Variants in KIF13B observed in about 807,000 individuals in gnomAD.
The protein encoded by KIF13B is kinesin family member 13B, also known as kinesin-like protein KIF13B.
In KIF13B, 127 loss-of-function variants were observed where a neutral mutation model predicts 222.0. That is an observed-to-expected ratio of 0.57 (90% CI 0.50 to 0.66). The LOEUF is 0.66. Among genes scored for constraint, KIF13B ranks in the 30% least tolerant of loss-of-function variants. The probability of loss-of-function intolerance (pLI) is 0.00; values close to 1 mark genes in which losing one functional copy is unlikely to be tolerated. For missense variants in KIF13B, 2,173 were observed against 2,379.0 expected (o/e 0.91, Z 1.80); for synonymous variants, 976 against 919.0 (o/e 1.06, Z -1.12).
chr8:29,101,508 G>A (rs1645152820), intron 35 of KIF13B, among the ~76,000 whole-genome samples: 1 of 152,124 alleles, frequency 6.6e-6, no homozygotes, highest in Non-Finnish European at 1.5e-5. Context: ...GGCACACCCA[G>A]GCCCCGATGG....
intron 2 of KIF13B, among the ~76,000 whole-genome samples, chr8:29,232,003 C>G (rs940744438): frequency 6.6e-5 from 10 of 152,118 alleles, no homozygotes; most frequent in African/African-American, 2.4e-4. Context: ...TGCCTACAAT[C>G]TCAACACTTG....
chr8:29,145,972 G>A, intron 18 of KIF13B: 1 of 311,376 alleles, frequency 3.2e-6, no homozygotes, highest in Non-Finnish European at 5.9e-6. Flanking sequence ...GTTTTACAGA[G>A]CAAGCTATTC....
intron 11 of KIF13B, among the ~76,000 whole-genome samples, chr8:29,166,254 TA>T (rs1811995128): frequency 2.0e-5 from 3 of 152,082 alleles, no homozygotes; most frequent in Admixed American, 2.0e-4. Flanking sequence ...AAAAACAGGA[TA>T]AAATTCAACA....
chr8:29,189,638 G>T (rs577675224), intron 4 of KIF13B: 1 of 152,262 alleles, frequency 6.6e-6, no homozygotes, highest in Non-Finnish European at 1.5e-5. Flanking sequence ...GCTCTGACAG[G>T]TGAGGTGATT....
At chr8:29,097,011 G>A (rs185504693) in intron 36 of KIF13B, among the ~76,000 whole-genome samples, 1 of 152,130 alleles carries the variant, frequency 6.6e-6, no homozygotes, top group Non-Finnish European at 1.5e-5. Flanking sequence ...CCGATTGAAG[G>A]GCAGGAACTA....
At chr8:29,225,226 C>T (rs1046836702) in intron 2 of KIF13B, among the ~76,000 whole-genome samples, 1 of 152,164 alleles carries the variant, frequency 6.6e-6, no homozygotes, top group South Asian at 2.1e-4. Context: ...GGCACAGAAG[C>T]TTTTTCCGCA....
Position 29,109,519 on chromosome 8 carries a change from TCAGAAAACATA to T in KIF13B, c.4084-19_4084-9del. 1 of 1,611,578 alleles carries T rather than the reference TCAGAAAACATA, an allele frequency of 6.2e-7. No individual in the cohort carries two copies. The highest frequency in any genetic ancestry group is 1.3e-5 in the African/African-American group (1 of 75,004). On this transcript the variant is annotated splice_polypyrimidine_tract_variant and intron_variant, in intron 33 of 39. Transcript: ENST00000524189. Reference sequence around the variant, plus strand: ...TTCCTTCACTGCAACTTCCTGTGAATCAGAAAACATACAGAGGAAAAAGACATGTAAGAGAC... The same window carrying T: ...TTCCTTCACTGCAACTTCCTGTGAATCAGAGGAAAAAGACATGTAAGAGAC...
intron 2 of KIF13B, among the ~76,000 whole-genome samples, chr8:29,225,570 C>G (rs899273566): frequency 1.3e-5 from 2 of 152,186 alleles, no homozygotes; most frequent in South Asian, 2.1e-4. Context: ...GCCTGGAAAT[C>G]TAAACATTTG....
intron 1 of KIF13B, among the ~76,000 whole-genome samples, chr8:29,249,782 G>T (rs181516400): frequency 4.0e-4 from 61 of 152,242 alleles, no homozygotes; most frequent in African/African-American, 1.5e-3. Context: ...AGAGCAAAGA[G>T]AATCAAAAGG....
chr8:29,091,471 A>T (rs982337767), intron 37 of KIF13B, among the ~76,000 whole-genome samples: 3 of 152,254 alleles, frequency 2.0e-5, no homozygotes, highest in African/African-American at 7.2e-5. Context: ...TCACTGAATA[A>T]AAATAAGAAT....
intron 26 of KIF13B, among the ~76,000 whole-genome samples, chr8:29,125,467 T>C (rs1215880065): frequency 4.6e-5 from 7 of 152,124 alleles, no homozygotes; most frequent in African/African-American, 1.7e-4. Flanking sequence ...GACTCAAATA[T>C]CACATCCGAA....
intron 14 of KIF13B, among the ~76,000 whole-genome samples, 194 bp from the exon 15 acceptor site, chr8:29,150,577 G>T (rs940240353): frequency 6.6e-6 from 1 of 152,148 alleles, no homozygotes; most frequent in Non-Finnish European, 1.5e-5. Context: ...ACAAAGCACA[G>T]GCACATCTCA....
rs28364766 is a variant in KIF13B, at chr8:29,067,959, G to A, written c.*2545C>T. ...CCCTCTGCTGCTGGACGCAGTGCCCGGGGCAGAAGTGAGCCTTCTCACCCT... is the reference window on the plus strand; with the variant it reads ...CCCTCTGCTGCTGGACGCAGTGCCCAGGGCAGAAGTGAGCCTTCTCACCCT... On this transcript the variant is annotated 3_prime_UTR_variant, in exon 40 of 40. Coordinates refer to ENST00000524189, the MANE Select transcript of KIF13B (RefSeq NM_015254.4). 6.4e-3 allele frequency: 975 copies of A among 152,458 alleles called. 13 individuals carry two copies. The highest frequency in any genetic ancestry group is 0.052 in the East Asian group (267 of 5,174). 9.4% of individuals were successfully genotyped at this position (152,458 alleles called of 1,614,324 possible). A position where few individuals can be genotyped will look rare whatever the true frequency, so the allele number is the denominator to read the frequency against.
intron 35 of KIF13B, among the ~76,000 whole-genome samples, chr8:29,102,524 G>A (rs148230662): frequency 6.6e-6 from 1 of 152,216 alleles, no homozygotes; most frequent in South Asian, 2.1e-4. Flanking sequence ...AAGTAAGAAC[G>A]CCGGAGGCTC....
At chr8:29,230,152 A>C (rs1357424446) in intron 2 of KIF13B, among the ~76,000 whole-genome samples, 1 of 152,124 alleles carries the variant, frequency 6.6e-6, no homozygotes. Flanking sequence ...TTCATAGAAA[A>C]GGAAACAGAG....
At chr8:29,228,720 T>C (rs1815152271) in intron 2 of KIF13B, among the ~76,000 whole-genome samples, 1 of 152,136 alleles carries the variant, frequency 6.6e-6, no homozygotes, top group South Asian at 2.1e-4. Context: ...ACAGGTGGCA[T>C]GACCAATGCT....
rs966456021 is a variant in KIF13B, at chr8:29,070,637, A to G, written c.5348T>C (p.Leu1783Pro). Residue 1783 changes from leucine to proline, a missense_variant, in exon 40 of 40, where the codon CTG becomes CCG. Coordinates refer to ENST00000524189, the MANE Select transcript of KIF13B (RefSeq NM_015254.4). The surrounding 1 kb of genome is among the most constrained non-coding windows in gnomAD (Gnocchi z 4.1). ...PVRRRSTGLR[L>P]GAPEARRSAT... ...GCTCCGGCGGGCCTCGGGGGCACCC[A>G]GCCGGAGTCCTGTGCTGCGCCGCCG... is the stretch of plus-strand genomic sequence containing the variant. The G allele has an allele frequency of 7.0e-6, 11 of 1,569,874 alleles. No individual in the cohort carries two copies. The highest frequency in any genetic ancestry group is 1.7e-4 in the Middle Eastern group (1 of 5,986).
intron 3 of KIF13B, among the ~76,000 whole-genome samples, chr8:29,191,578 TA>T: frequency 6.6e-6 from 1 of 152,330 alleles, no homozygotes; most frequent in East Asian, 1.9e-4. Flanking sequence ...GAAAAAGTTA[TA>T]AAAGTCTAGA....
chr8:29,181,141 G>T (rs1812695441), intron 7 of KIF13B, among the ~76,000 whole-genome samples: 1 of 152,080 alleles, frequency 6.6e-6, no homozygotes, highest in Non-Finnish European at 1.5e-5. Flanking sequence ...TCTCCTTAAG[G>T]GTGTAGGCAT....
Sources: allele counts gnomAD v4.1 joint callset (sites outside exome capture counted in the v4.1 genomes callset), GRCh38; gene constraint gnomAD v4.1.1; non-coding constraint Gnocchi (gnomAD v3.1); transcripts MANE v1.5; gene names NCBI Gene and HGNC (gene_info 2026-07-23, HGNC 2026-07-21).